Variants in CDK5RAP2 observed in about 807,000 individuals in gnomAD.
The protein encoded by CDK5RAP2 is CDK5 regulatory subunit-associated protein 2.
CDK5RAP2 carries 147 observed loss-of-function variants against 232.9 expected under a neutral mutation model. The ratio of observed to expected loss-of-function variants is 0.63; its 90% CI spans 0.55 to 0.72. The LOEUF is 0.72. Ranked by LOEUF, CDK5RAP2 falls within the 30% of genes least tolerant of loss-of-function variation. The pLI is 0.00. For synonymous variants in CDK5RAP2, 833 were observed against 833.7 expected, an observed-to-expected ratio of 1.00 and a Z score of 0.01; for missense variants, 2,195 against 2,231.5, an observed-to-expected ratio of 0.98 and a Z score of 0.33.
At chr9:120,415,817 G>T (rs1232521715) in intron 27 of CDK5RAP2, among the ~76,000 whole-genome samples, 1 of 152,166 alleles carries the variant, frequency 6.6e-6, no homozygotes, top group Non-Finnish European at 1.5e-5. Context: ...GAGACCACCA[G>T]AGATGCTGAC....
chr9:120,530,088 A>C lies in CDK5RAP2; in HGVS notation c.715T>G (p.Cys239Gly). 8.1e-6 allele frequency: 13 copies of C among 1,614,022 alleles called. No individual in the cohort carries two copies. Among genetic ancestry groups the C allele is most frequent in the Non-Finnish European group, 1.1e-5 (13 of 1,179,926 alleles). Residue 239 changes from cysteine (C) to glycine (G), a missense_variant, in exon 8 of 38, where the codon TGC becomes GGC. Transcript: ENST00000349780. ...SLKSKEALIQ[C>G]LKEEKSQMAC... ...ATCTGAGATTTCTCCTCTTTAAGGC[A>C]CTGAATTAAAGCTTCTTTGCTCTTC...
At chr9:120,476,505 C>T (rs906864508) in intron 15 of CDK5RAP2, among the ~76,000 whole-genome samples, 3 of 152,034 alleles carry the variant, frequency 2.0e-5, no homozygotes, top group East Asian at 3.9e-4. Context: ...TGGTGAAACA[C>T]CATCTCTACT....
intron 3 of CDK5RAP2, among the ~76,000 whole-genome samples, chr9:120,554,139 A>G (rs548160043): frequency 3.9e-5 from 6 of 152,360 alleles, no homozygotes; most frequent in Admixed American, 3.9e-4. Flanking sequence ...AGTATGGGAC[A>G]TTATATAGAT....
chr9:120,398,228 A>G (rs1172750354), intron 35 of CDK5RAP2, among the ~76,000 whole-genome samples: 1 of 152,204 alleles, frequency 6.6e-6, no homozygotes, highest in Non-Finnish European at 1.5e-5. Flanking sequence ...GTTCATTCTG[A>G]TATGTGCTAT....
intron 26 of CDK5RAP2, among the ~76,000 whole-genome samples, chr9:120,421,199 G>T (rs1210528807): frequency 6.6e-6 from 1 of 152,116 alleles, no homozygotes; most frequent in Non-Finnish European, 1.5e-5. Flanking sequence ...TGCTCAAAGG[G>T]ACCGTGTCTC....
intron 36 of CDK5RAP2, among the ~76,000 whole-genome samples, chr9:120,391,915 T>C (rs1489279199): frequency 6.6e-6 from 1 of 151,772 alleles, no homozygotes; most frequent in Non-Finnish European, 1.5e-5. Flanking sequence ...AAAGGAGGAG[T>C]TGCAGGCCCG....
chr9:120,479,121 G>T (rs1488427324), intron 14 of CDK5RAP2, among the ~76,000 whole-genome samples: 2 of 152,116 alleles, frequency 1.3e-5, no homozygotes, highest in African/African-American at 4.8e-5. Flanking sequence ...GAAATAATGA[G>T]TAATGGTTTA....
rs1255980737 is a variant in CDK5RAP2 at position 120,456,134 on chromosome 9, A to G, written c.2376-2261T>C. On this transcript the variant is annotated intron_variant, in intron 20 of 37. Transcript: ENST00000349780. The stretch of plus-strand genomic sequence containing the variant: ...TGAAACTGGGACAGAAAATTATGGG[A>G]AAATAAATGGGGGAAGTAGAGAGGA... Among the ~76,000 whole-genome samples the G allele has an allele frequency of 2.0e-5, 3 of 152,228 alleles. 1 individual carries two copies. The South Asian group carries it at 6.2e-4, about 31-fold the overall frequency.
chr9:120,409,368 A>G lies in CDK5RAP2; in HGVS notation c.4415-52T>C, dbSNP rs374530084. 23 of 1,298,294 alleles carry G rather than the reference A, an allele frequency of 1.8e-5. No individual in the cohort carries two copies. The African/African-American group carries it at 3.2e-4, about 18-fold the overall frequency. The allele number at this position is 1,298,294 out of a possible 1,614,324, so 80.4% of individuals were successfully genotyped here. ...GAAGGGCCACCATTTGTTTTTTCCA[A>G]CCTTATTATATAAATACAGCACTTC... On this transcript the variant is annotated intron_variant, in intron 29 of 37. Coordinates refer to ENST00000349780, the MANE Select transcript of CDK5RAP2 (RefSeq NM_018249.6).
rs1299859677 is a variant in CDK5RAP2, at chr9:120,403,964, C to T, written c.5041+72G>A. The T allele has an allele frequency of 1.2e-5, 13 of 1,072,902 alleles. 1 individual carries two copies. The Admixed American group carries it at 1.5e-4, about 13-fold the overall frequency. 66.5% of individuals were successfully genotyped at this position (1,072,902 alleles called of 1,614,324 possible). On this transcript the variant is annotated intron_variant, in intron 33 of 37. Coordinates refer to ENST00000349780, the MANE Select transcript of CDK5RAP2 (RefSeq NM_018249.6). This position sits in a 1 kb window ranked among gnomAD's most constrained non-coding sequence, Gnocchi z 4.2. Reference sequence around the variant, plus strand: ...TCCTGAGTTGGGACCAGGGACCCCCCTTTTCTGCAAGTTAAAAAGTCTTAC... The same window carrying T: ...TCCTGAGTTGGGACCAGGGACCCCCTTTTTCTGCAAGTTAAAAAGTCTTAC...
At chr9:120,409,947 G>A (rs2033740973) in intron 29 of CDK5RAP2, among the ~76,000 whole-genome samples, 1 of 152,160 alleles carries the variant, frequency 6.6e-6, no homozygotes, top group African/African-American at 2.4e-5. Context: ...TCTATAAAGG[G>A]TTTATCACAG....
intron 8 of CDK5RAP2, among the ~76,000 whole-genome samples, chr9:120,529,477 GAGACCATGAGC>G (rs1202763451): frequency 6.6e-6 from 1 of 152,284 alleles, no homozygotes; most frequent in East Asian, 1.9e-4. Context: ...ACGTGACAAG[GAGACCATGAGC>G]TCTACCTTGC....
chr9:120,451,971 C>T (rs964158193), intron 21 of CDK5RAP2, among the ~76,000 whole-genome samples: 2 of 150,628 alleles, frequency 1.3e-5, no homozygotes, highest in Non-Finnish European at 3.0e-5. Context: ...CTTTTGAAGA[C>T]ATAGCAAGAG....
chr9:120,510,252 G>A (rs73660269), intron 12 of CDK5RAP2, among the ~76,000 whole-genome samples: 3,194 of 152,208 alleles, frequency 0.021, 94 homozygotes, highest in African/African-American at 0.069. Flanking sequence ...CTGGGTGACC[G>A]GTACGACTTT....
intron 35 of CDK5RAP2, among the ~76,000 whole-genome samples, chr9:120,399,199 T>C (rs1352528236): frequency 6.6e-6 from 1 of 152,190 alleles, no homozygotes; most frequent in African/African-American, 2.4e-5. Context: ...GCTATAACTT[T>C]TTTTGTGTGT....
chr9:120,568,468 G>A lies in CDK5RAP2; in HGVS notation c.128-80C>T, dbSNP rs1203644351. The A allele has an allele frequency of 6.9e-5, 69 of 1,000,854 alleles. No homozygotes were observed. The South Asian group carries it at 8.8e-4, about 13-fold the overall frequency. 62.0% of individuals were successfully genotyped at this position (1,000,854 alleles called of 1,614,324 possible). The stretch of plus-strand genomic sequence containing the variant: ...CCTATTGGGGAATAGAGCACAGAGA[G>A]GAAAACAACACGAACTGCTTCCACA... On this transcript the variant is annotated intron_variant, in intron 2 of 37. Coordinates refer to ENST00000349780, the MANE Select transcript of CDK5RAP2 (RefSeq NM_018249.6).
chr9:120,458,759 A>G (rs2036926239), intron 19 of CDK5RAP2, 137 bp from the exon 20 acceptor site: 1 of 767,298 alleles, frequency 1.3e-6, no homozygotes, highest in African/African-American at 1.7e-5. Flanking sequence ...AACAGAAAAG[A>G]AAAGGGGGAG....
intron 26 of CDK5RAP2, among the ~76,000 whole-genome samples, chr9:120,421,401 G>A (rs1286984368): frequency 6.6e-6 from 1 of 152,148 alleles, no homozygotes; most frequent in African/African-American, 2.4e-5. Flanking sequence ...TGACAATGCT[G>A]CAATGGGAGA....
chr9:120,390,937 T>C (rs957420027), intron 36 of CDK5RAP2, among the ~76,000 whole-genome samples: 7 of 152,306 alleles, frequency 4.6e-5, no homozygotes, highest in African/African-American at 1.7e-4. Flanking sequence ...GTGTGGACTT[T>C]GTTTTTAGCC....
Sources: allele counts gnomAD v4.1 joint callset (sites outside exome capture counted in the v4.1 genomes callset), GRCh38; gene constraint gnomAD v4.1.1; non-coding constraint Gnocchi (gnomAD v3.1); transcripts MANE v1.5; gene names NCBI Gene and HGNC (gene_info 2026-07-23, HGNC 2026-07-21).